The following ANTXR1 variants were observed in gnomAD, a reference collection of about 807,000 sequenced individuals.
ANTXR1 encodes anthrax toxin receptor 1.
ANTXR1 carries 19 observed loss-of-function variants against 78.1 expected under a neutral mutation model. The observed-to-expected ratio is 0.24, with a 90% confidence interval of 0.17 to 0.36. The LOEUF (loss-of-function observed/expected upper bound fraction) is 0.36. Ranked by LOEUF, ANTXR1 falls within the 10% of genes least tolerant of loss-of-function variation. ANTXR1 has a pLI of 1.00. For missense variants in ANTXR1, 518 were observed against 718.6 expected (o/e 0.72, Z 3.19); for synonymous variants, 273 against 260.5 (o/e 1.05, Z -0.46).
intron 10 of ANTXR1, among the ~76,000 whole-genome samples, chr2:69,120,883 C>T (rs566922625): frequency 5.3e-5 from 8 of 152,290 alleles, no homozygotes; most frequent in East Asian, 1.9e-4. Flanking sequence ...CCTATGTGGC[C>T]GTGGTCATCT....
At chr2:69,122,649 G>A (rs1672386886) in intron 10 of ANTXR1, among the ~76,000 whole-genome samples, 2 of 152,108 alleles carry the variant, frequency 1.3e-5, no homozygotes, top group Non-Finnish European at 2.9e-5. Context: ...CAACGTGCAG[G>A]TTTGTTACAT....
chr2:69,056,508 C>T (rs939268704), intron 3 of ANTXR1, among the ~76,000 whole-genome samples: 11 of 152,052 alleles, frequency 7.2e-5, no homozygotes, highest in South Asian at 2.1e-4. Context: ...CCACCAACCA[C>T]GCTTGTGGAA....
At chr2:69,030,544 T>A (rs1303647757) in intron 1 of ANTXR1, among the ~76,000 whole-genome samples, 1 of 152,190 alleles carries the variant, frequency 6.6e-6, no homozygotes, top group African/African-American at 2.4e-5. Flanking sequence ...GGCTTCAATA[T>A]TTGAGAAATG....
At chr2:69,230,430 G>A (rs987059647) in intron 17 of ANTXR1, among the ~76,000 whole-genome samples, 12 of 151,958 alleles carry the variant, frequency 7.9e-5, no homozygotes, top group African/African-American at 2.7e-4. Flanking sequence ...GTAACTTTAC[G>A]CGTAGGGTAG....
intron 17 of ANTXR1, among the ~76,000 whole-genome samples, chr2:69,217,373 T>A (rs1393396000): frequency 6.6e-6 from 1 of 152,196 alleles, no homozygotes; most frequent in Non-Finnish European, 1.5e-5. Flanking sequence ...ACAATGTGAA[T>A]CTGAGAGTTC....
At chr2:69,234,003 T>A (rs1412513787) in intron 17 of ANTXR1, among the ~76,000 whole-genome samples, 1 of 152,038 alleles carries the variant, frequency 6.6e-6, no homozygotes, top group Non-Finnish European at 1.5e-5. Flanking sequence ...AAATCACAAA[T>A]TTGGAATGTG....
At chr2:69,033,558 G>T (rs1671591053) in intron 1 of ANTXR1, among the ~76,000 whole-genome samples, 1 of 152,202 alleles carries the variant, frequency 6.6e-6, no homozygotes, top group Non-Finnish European at 1.5e-5. Flanking sequence ...TGAATGCAGG[G>T]TCTCTGACAG....
chr2:69,142,979 T>C (rs1673112962), intron 12 of ANTXR1, among the ~76,000 whole-genome samples: 2 of 152,210 alleles, frequency 1.3e-5, no homozygotes, highest in Admixed American at 6.5e-5. Flanking sequence ...TAAATGTGAA[T>C]GTATACTTTC....
At chr2:69,230,944 C>G (rs186180336) in intron 17 of ANTXR1, among the ~76,000 whole-genome samples, 1 of 152,258 alleles carries the variant, frequency 6.6e-6, no homozygotes, top group African/African-American at 2.4e-5. Flanking sequence ...TCTTTTGCTC[C>G]TCTCCCTCCT....
intron 10 of ANTXR1, chr2:69,103,282 A>T (rs1338602352): frequency 7.9e-6 from 3 of 380,504 alleles, no homozygotes; most frequent in Non-Finnish European, 1.5e-5. Context: ...CCATCTACCG[A>T]GTGGCTCACT....
At chr2:69,087,839 A>G (rs1558532145) in intron 8 of ANTXR1, among the ~76,000 whole-genome samples, 2 of 152,250 alleles carry the variant, frequency 1.3e-5, no homozygotes, top group East Asian at 3.9e-4. Flanking sequence ...AGACAGGCTG[A>G]TTACCATACA....
intron 10 of ANTXR1, among the ~76,000 whole-genome samples, chr2:69,107,234 G>A (rs1036314052): frequency 6.6e-6 from 1 of 151,858 alleles, no homozygotes; most frequent in Non-Finnish European, 1.5e-5. Flanking sequence ...TAAAGAAAAC[G>A]TTTTGTTTTG....
Position 69,246,906 on chromosome 2 carries a change from A to G in ANTXR1, c.*1421A>G, listed in dbSNP as rs1427320610. 1 of 152,220 alleles carries G rather than the reference A, an allele frequency of 6.6e-6. No homozygotes were observed. The highest frequency in any genetic ancestry group is 1.5e-5 in the Non-Finnish European group (1 of 68,038). 9.4% of individuals were successfully genotyped at this position (152,220 alleles called of 1,614,324 possible). A position where few individuals can be genotyped will look rare whatever the true frequency, so the allele number is the denominator to read the frequency against. Reference sequence around the variant, plus strand: ...CTAAAATTCCTGTCCCAAGCCACCCAAATTCTCAGATCTTTTCTGGAACAA... The same window carrying G: ...CTAAAATTCCTGTCCCAAGCCACCCGAATTCTCAGATCTTTTCTGGAACAA... On this transcript the variant is annotated 3_prime_UTR_variant, in exon 18 of 18. Coordinates refer to ENST00000303714, the MANE Select transcript of ANTXR1 (RefSeq NM_032208.3).
At chr2:69,225,975 C>T (rs1675441127) in intron 17 of ANTXR1, among the ~76,000 whole-genome samples, 1 of 152,198 alleles carries the variant, frequency 6.6e-6, no homozygotes, top group Non-Finnish European at 1.5e-5. Flanking sequence ...TTCATAATTT[C>T]AACCACTGCA....
At chr2:69,048,877 T>C (rs1294511968) in intron 3 of ANTXR1, among the ~76,000 whole-genome samples, 1 of 152,202 alleles carries the variant, frequency 6.6e-6, no homozygotes, top group Non-Finnish European at 1.5e-5. Flanking sequence ...TCGAACTGTG[T>C]GAAAAATACA....
intron 17 of ANTXR1, among the ~76,000 whole-genome samples, chr2:69,196,293 CTG>C (rs1210303500): frequency 6.6e-6 from 1 of 152,224 alleles, no homozygotes; most frequent in Non-Finnish European, 1.5e-5. Flanking sequence ...ACTCTCAACA[CTG>C]TTACAAATTA....
At chr2:69,065,117 A>C (rs1209069136) in intron 3 of ANTXR1, among the ~76,000 whole-genome samples, 1 of 152,198 alleles carries the variant, frequency 6.6e-6, no homozygotes. Flanking sequence ...ATAAATTGAT[A>C]AACCACTGGT....
intron 1 of ANTXR1, among the ~76,000 whole-genome samples, chr2:69,017,722 G>C (rs1671063375): frequency 6.6e-6 from 1 of 152,164 alleles, no homozygotes. Flanking sequence ...TCTGGTTATA[G>C]TCAGGAAAAA....
chr2:69,195,914 T>C (rs996027915), intron 17 of ANTXR1, among the ~76,000 whole-genome samples: 3 of 152,208 alleles, frequency 2.0e-5, no homozygotes, highest in Non-Finnish European at 4.4e-5. Flanking sequence ...CATTTTCCAC[T>C]GACCAGTTTG....
Sources: allele counts gnomAD v4.1 joint callset (sites outside exome capture counted in the v4.1 genomes callset), GRCh38; gene constraint gnomAD v4.1.1; transcripts MANE v1.5; gene names NCBI Gene and HGNC (gene_info 2026-07-23, HGNC 2026-07-21).